Variants in MCPH1 observed in about 807,000 individuals in gnomAD.
The protein encoded by MCPH1 is microcephalin 1.
A neutral mutation model predicts 84.5 loss-of-function variants in MCPH1; 104 were observed. The observed-to-expected ratio is 1.23, with a 90% CI of 1.05 to 1.45. The LOEUF is 1.45. Among genes scored for constraint, MCPH1 ranks in the 40% most tolerant of loss-of-function variants. The pLI is 0.00. For synonymous variants in MCPH1, 514 were observed against 366.8 expected (o/e 1.40, Z -4.58); for missense variants, 1,498 against 1,005.7 (o/e 1.49, Z -6.62).
intron 4 of MCPH1, among the ~76,000 whole-genome samples, chr8:6,435,309 C>A (rs887926174): frequency 6.6e-6 from 1 of 152,082 alleles, no homozygotes; most frequent in Admixed American, 6.5e-5. Context: ...CACATAGAGT[C>A]CAAGATCATG....
intron 12 of MCPH1, among the ~76,000 whole-genome samples, chr8:6,512,134 T>C (rs1815263131): frequency 6.6e-6 from 1 of 152,204 alleles, no homozygotes. Flanking sequence ...GAATAGTGAA[T>C]ATGCTTCACT....
intron 11 of MCPH1, 46 bp downstream of exon 11, chr8:6,480,922 A>G (rs1410534056): frequency 1.2e-6 from 2 of 1,604,602 alleles, no homozygotes; most frequent in Non-Finnish European, 1.7e-6. Flanking sequence ...AGGCATTTTG[A>G]TAGAGTGGGT....
At chr8:6,434,042 G>A (rs1012977089) in intron 4 of MCPH1, among the ~76,000 whole-genome samples, 1 of 151,732 alleles carries the variant, frequency 6.6e-6, no homozygotes, top group Non-Finnish European at 1.5e-5. Context: ...TTGTGCAGAT[G>A]TTACTTTCTC....
intron 8 of MCPH1, among the ~76,000 whole-genome samples, chr8:6,449,328 A>G (rs1331821145): frequency 6.6e-6 from 1 of 152,178 alleles, no homozygotes; most frequent in Non-Finnish European, 1.5e-5. Flanking sequence ...GTGCAGTTAA[A>G]TGGGTTTTGA....
intron 9 of MCPH1, among the ~76,000 whole-genome samples, chr8:6,458,403 C>T (rs1805923823): frequency 6.8e-6 from 1 of 146,826 alleles, no homozygotes; most frequent in African/African-American, 2.5e-5. Flanking sequence ...ACCCGGGAGG[C>T]GGAGATTGCA....
At chr8:6,634,519 G>C (rs553939071) in intron 13 of MCPH1, among the ~76,000 whole-genome samples, 1 of 152,310 alleles carries the variant, frequency 6.6e-6, no homozygotes, top group African/African-American at 2.4e-5. Context: ...AAATGCAGCA[G>C]GCACGCATAA....
At position 6,549,687 on chromosome 8, in the gene MCPH1, A is replaced by T. The variant is rs188412092; in HGVS notation, c.2214+49758A>T. ...GCCTGCAGGGGAAGAAGCCTTCCGT[A>T]TCGAGCTGGGCGGTCATTACACAGG... On this transcript the variant is annotated intron_variant, in intron 12 of 13. Transcript: ENST00000344683. Among the ~76,000 whole-genome samples the T allele has an allele frequency of 9.0e-5, 13 of 144,314 alleles. No individual in the cohort carries two copies. In the South Asian group the frequency reaches 2.9e-3, roughly 32 times the overall value. 94.7% of individuals were successfully genotyped at this position (144,314 alleles called of 152,430 possible).
At position 6,423,287 on chromosome 8, in the gene MCPH1, C is replaced by A. The variant is rs1001138783; in HGVS notation, c.234-8212C>A. Among the ~76,000 whole-genome samples, 14 of 147,724 alleles carry A rather than the reference C, an allele frequency of 9.5e-5. 1 individual carries two copies. Among genetic ancestry groups the A allele is most frequent in the African/African-American group, 3.5e-4 (14 of 39,532 alleles). On this transcript the variant is annotated intron_variant, in intron 3 of 13. Transcript: ENST00000344683. ...TCACTGCATTCTCCTGCCTCAGCCT[C>A]CTGAGTAGCTGGGACTACAGGCGCC...
intron 2 of MCPH1, among the ~76,000 whole-genome samples, chr8:6,410,701 C>A (rs79143332): frequency 6.6e-6 from 1 of 152,172 alleles, no homozygotes; most frequent in South Asian, 2.1e-4. Flanking sequence ...GAAGAGTACT[C>A]ACATCTTCAT....
intron 12 of MCPH1, chr8:6,618,731 G>C (rs1018501630): frequency 1.3e-5 from 2 of 152,018 alleles, no homozygotes; most frequent in African/African-American, 4.8e-5. Context: ...AGGATATTTT[G>C]GGCTTCTAGA....
chr8:6,445,408 G>A lies in MCPH1; in HGVS notation c.1686G>A (p.Gln562=), dbSNP rs1366532873. The A allele has an allele frequency of 1.2e-6, 2 of 1,614,242 alleles. No individual in the cohort carries two copies. The highest frequency in any genetic ancestry group is 2.2e-5 in the East Asian group (1 of 44,876). ...MKEAVGLKST[Q]NKGTTSKISN... ...AAGCGGTTGGTCTGAAAAGCACACAGAACAAAGGTACCACTTCCAAAATAT... is the reference window on the plus strand; with the variant it reads ...AAGCGGTTGGTCTGAAAAGCACACAAAACAAAGGTACCACTTCCAAAATAT... Residue 562 remains glutamine, a synonymous_variant, in exon 8 of 14, where the codon CAG becomes CAA. Transcript: ENST00000344683.
At chr8:6,511,688 T>C (rs919411267) in intron 12 of MCPH1, among the ~76,000 whole-genome samples, 1 of 152,220 alleles carries the variant, frequency 6.6e-6, no homozygotes, top group Non-Finnish European at 1.5e-5. Flanking sequence ...CGATGTAATA[T>C]CTATTTTATC....
chr8:6,488,218 C>T (rs533954093), intron 11 of MCPH1, among the ~76,000 whole-genome samples: 11 of 152,342 alleles, frequency 7.2e-5, no homozygotes, highest in Non-Finnish European at 1.3e-4. Flanking sequence ...TCCTCCATCC[C>T]CCTGTCTGCT....
In MCPH1 at chr8:6,449,044, C is replaced by G. The variant is rs115613361; in HGVS notation, c.1825+3497C>G. 4.2e-3 allele frequency among the ~76,000 whole-genome samples: 636 copies of G among 152,116 alleles called. 3 individuals carry two copies. Among genetic ancestry groups the G allele is most frequent in the African/African-American group, 0.014 (582 of 41,498 alleles). ...TTAATTGGAGTTCAGACTGAGTGTT[C>G]CCATCACCAACATTGATTGCAAATG... is the stretch of plus-strand genomic sequence containing the variant. On this transcript the variant is annotated intron_variant, in intron 8 of 13. Coordinates refer to ENST00000344683, the MANE Select transcript of MCPH1 (RefSeq NM_024596.5).
chr8:6,529,070 AT>A (rs1818941046), intron 12 of MCPH1, among the ~76,000 whole-genome samples: 1 of 152,192 alleles, frequency 6.6e-6, no homozygotes, highest in Non-Finnish European at 1.5e-5. Context: ...CATGAGTAAA[AT>A]TCCGTGTGGA....
intron 3 of MCPH1, among the ~76,000 whole-genome samples, chr8:6,430,083 C>A (rs1370364953): frequency 6.6e-6 from 1 of 152,206 alleles, no homozygotes; most frequent in Non-Finnish European, 1.5e-5. Context: ...AGATCTGTGT[C>A]CTCCCACATC....
chr8:6,617,913 A>ATCTATCTATCTG (rs1216368313), intron 12 of MCPH1, among the ~76,000 whole-genome samples: 15 of 150,762 alleles, frequency 9.9e-5, no homozygotes, highest in African/African-American at 3.2e-4. Context: ...CTATCTATCT[A>ATCTATCTATCTG]TCTATCTATC....
At chr8:6,435,836 C>A (rs974775437) in intron 4 of MCPH1, among the ~76,000 whole-genome samples, 6 of 152,064 alleles carry the variant, frequency 3.9e-5, no homozygotes, top group African/African-American at 1.4e-4. Context: ...TAATACAGAG[C>A]CTTTTATACA....
intron 12 of MCPH1, among the ~76,000 whole-genome samples, chr8:6,552,415 G>C (rs530695475): frequency 2.0e-5 from 3 of 152,166 alleles, no homozygotes; most frequent in Non-Finnish European, 2.9e-5. Flanking sequence ...ACACACTTAC[G>C]ATGGTCCTTT....
Sources: allele counts gnomAD v4.1 joint callset (sites outside exome capture counted in the v4.1 genomes callset), GRCh38; gene constraint gnomAD v4.1.1; transcripts MANE v1.5; gene names NCBI Gene and HGNC (gene_info 2026-07-23, HGNC 2026-07-21).